The following TENM2 variants were observed in gnomAD, a reference collection of about 807,000 sequenced individuals.
TENM2 encodes the protein teneurin-2.
A neutral mutation model predicts 245.2 loss-of-function variants in TENM2; 52 were observed. That is an observed-to-expected ratio of 0.21 (90% CI 0.17 to 0.27). The LOEUF (loss-of-function observed/expected upper bound fraction) is 0.27. Ranked by LOEUF, TENM2 falls within the 10% of genes least tolerant of loss-of-function variation. The pLI, the probability that TENM2 is intolerant of heterozygous loss-of-function variation, is 1.00. For synonymous variants in TENM2, 1,363 were observed against 1,438.9 expected (o/e 0.95, Z 1.19); for missense variants, 3,046 against 3,666.8 (o/e 0.83, Z 4.37).
intron 2 of TENM2, among the ~76,000 whole-genome samples, chr5:167,727,459 C>T (rs1760105877): frequency 6.6e-6 from 1 of 152,144 alleles, no homozygotes; most frequent in Non-Finnish European, 1.5e-5. Flanking sequence ...GTGTCAGCTC[C>T]CCTAGGCATC....
intron 3 of TENM2, among the ~76,000 whole-genome samples, chr5:167,951,824 A>G (rs1383503033): frequency 6.6e-6 from 1 of 151,256 alleles, no homozygotes; most frequent in African/African-American, 2.4e-5. Context: ...ACACATATAT[A>G]CACACATACA....
rs191525841 is a variant in TENM2, at chr5:167,540,895, A to T, written c.502+165422A>T. Among the ~76,000 whole-genome samples the T allele has an allele frequency of 6.4e-4, 98 of 152,350 alleles. 1 individual carries two copies. The highest frequency in any genetic ancestry group is 2.3e-3 in the African/African-American group (96 of 41,588). On this transcript the variant is annotated intron_variant, in intron 2 of 28. Transcript: ENST00000518659. ...TTCTGACTTATAGTAGATAAAGAGT[A>T]AAAGTCACTGCCTTGGCCCCCATAG...
chr5:167,022,853 A>G, the TENM2 span, among the ~76,000 whole-genome samples: 1 of 152,190 alleles, frequency 6.6e-6, no homozygotes, highest in African/African-American at 2.4e-5. Context: ...CCTCACTGTA[A>G]TGGCTACATA....
At chr5:167,365,134 G>A (rs1246272607) in intron 1 of TENM2, among the ~76,000 whole-genome samples, 2 of 151,908 alleles carry the variant, frequency 1.3e-5, no homozygotes, top group Admixed American at 6.6e-5. Flanking sequence ...TTTAGAAATC[G>A]GTATCAATCA....
intron 2 of TENM2, among the ~76,000 whole-genome samples, chr5:167,642,288 G>A (rs185739445): frequency 2.0e-3 from 305 of 152,088 alleles, no homozygotes; most frequent in Non-Finnish European, 3.2e-3. Context: ...TGAAATATCA[G>A]GTATTCAGGG....
intron 2 of TENM2, among the ~76,000 whole-genome samples, chr5:167,724,658 C>T (rs1759866061): frequency 6.6e-6 from 1 of 152,164 alleles, no homozygotes; most frequent in Non-Finnish European, 1.5e-5. Context: ...AACACCACTT[C>T]AGGTTGAGTT....
intron 1 of TENM2, among the ~76,000 whole-genome samples, chr5:167,317,462 A>G (rs1233648632): frequency 6.6e-6 from 1 of 152,094 alleles, no homozygotes; most frequent in Non-Finnish European, 1.5e-5. Flanking sequence ...AATCACTAAG[A>G]GAATTGAGCT....
chr5:167,481,841 T>C (rs1767777205), intron 2 of TENM2, among the ~76,000 whole-genome samples: 1 of 152,248 alleles, frequency 6.6e-6, no homozygotes, highest in South Asian at 2.1e-4. Flanking sequence ...GTTAGTATTA[T>C]ATTTTGAATT....
intron 2 of TENM2, among the ~76,000 whole-genome samples, chr5:167,767,266 C>T (rs4434400): frequency 0.98 from 148,605 of 152,342 alleles, 72,590 homozygotes; most frequent in East Asian, 1. Context: ...TGAACCTTGA[C>T]GATATTATGC....
intron 6 of TENM2, among the ~76,000 whole-genome samples, chr5:168,056,430 T>C (rs1190456447): frequency 6.6e-6 from 1 of 152,224 alleles, no homozygotes; most frequent in African/African-American, 2.4e-5. Flanking sequence ...CTCTAACAAT[T>C]GACAAATTTG....
intron 4 of TENM2, among the ~76,000 whole-genome samples, chr5:167,959,648 C>G (rs1214770646): frequency 3.3e-5 from 5 of 152,112 alleles, no homozygotes; most frequent in Non-Finnish European, 7.4e-5. Context: ...TCAGAACATG[C>G]TCCTTTAGCT....
intron 2 of TENM2, among the ~76,000 whole-genome samples, chr5:167,728,486 T>C (rs1760186042): frequency 7.7e-6 from 1 of 129,718 alleles, no homozygotes; most frequent in African/African-American, 3.4e-5. Flanking sequence ...GGTGCGTGCC[T>C]ATGGTCCCAA....
At chr5:167,111,623 C>T in the TENM2 span, among the ~76,000 whole-genome samples, 3 of 152,130 alleles carry the variant, frequency 2.0e-5, no homozygotes, top group East Asian at 1.9e-4. Context: ...TTTAATAAAA[C>T]GTATACACAG....
chr5:167,511,083 T>G (rs887342786), intron 2 of TENM2, among the ~76,000 whole-genome samples: 6 of 152,218 alleles, frequency 3.9e-5, no homozygotes, highest in Non-Finnish European at 8.8e-5. Context: ...CCACATGTAT[T>G]ACATACCTTC....
rs10073731 is a variant in TENM2 at position 167,517,186 on chromosome 5, T to C, written c.502+141713T>C. ...AAGAAGAGTCTGTGCATTATTACTT[T>C]CCCTATTTACATACCCGTCTCACAG... On this transcript the variant is annotated intron_variant, in intron 2 of 28. Transcript: ENST00000518659. Among the ~76,000 whole-genome samples the C allele has an allele frequency of 7.8e-3, 1,191 of 152,282 alleles. 21 individuals are homozygous for C. Among genetic ancestry groups the C allele is most frequent in the African/African-American group, 0.028 (1,143 of 41,562 alleles).
intron 12 of TENM2, among the ~76,000 whole-genome samples, chr5:168,151,204 T>C (rs1387756289): frequency 6.6e-6 from 1 of 152,262 alleles, no homozygotes; most frequent in African/African-American, 2.4e-5. Flanking sequence ...GGGAGTTCTA[T>C]TGACAACTTG....
At chr5:167,884,603 T>A (rs1247837414) in intron 3 of TENM2, among the ~76,000 whole-genome samples, 1 of 152,192 alleles carries the variant, frequency 6.6e-6, no homozygotes, top group Non-Finnish European at 1.5e-5. Flanking sequence ...CTTTTAAAGC[T>A]GAAAACTATT....
intron 13 of TENM2, chr5:168,187,160 T>C (rs1180746488): frequency 2.0e-5 from 3 of 152,216 alleles, no homozygotes; most frequent in Non-Finnish European, 2.9e-5. Context: ...GCATTTGTCA[T>C]CTGCTATTGC....
rs1333444063 is a variant in TENM2, at chr5:167,907,413, C to T, written c.712+31218C>T. Among the ~76,000 whole-genome samples, 5 of 150,202 alleles carry T rather than the reference C, an allele frequency of 3.3e-5. No individual in the cohort carries two copies. In the East Asian group the frequency reaches 7.8e-4, roughly 23 times the overall value. ...AACATTGTCATTTTAAATGTGGTCACTAATAACACTAACTGATTAAAAGGT... is the reference window on the plus strand; with the variant it reads ...AACATTGTCATTTTAAATGTGGTCATTAATAACACTAACTGATTAAAAGGT... On this transcript the variant is annotated intron_variant, in intron 3 of 28. Transcript: ENST00000518659.
Sources: gnomAD v4.1 joint callset for allele counts (sites outside exome capture counted in the v4.1 genomes callset) on GRCh38, gnomAD v4.1.1 for gene constraint, MANE v1.5 for transcripts, NCBI Gene and HGNC (gene_info 2026-07-23, HGNC 2026-07-21) for gene names.